GPC5: variants seen among roughly 807,000 people sequenced by gnomAD.
GPC5 encodes the protein glypican 5, also known as glypican-5.
A neutral mutation model predicts 53.9 loss-of-function variants in GPC5; 47 were observed. The ratio of observed to expected loss-of-function variants is 0.87; its 90% CI spans 0.69 to 1.11. The LOEUF (loss-of-function observed/expected upper bound fraction) is 1.11. GPC5 is among the 50% of genes most tolerant of loss of function. The pLI is 0.00. For missense variants in GPC5, 748 were observed against 713.1 expected (o/e 1.05, Z -0.56); for synonymous variants, 286 against 263.3 (o/e 1.09, Z -0.84).
chr13:91,963,522 G>C (rs985478466), intron 6 of GPC5, among the ~76,000 whole-genome samples: 5 of 152,094 alleles, frequency 3.3e-5, no homozygotes, highest in African/African-American at 1.2e-4. Context: ...AACAACCTTG[G>C]TATCTATTGT....
At chr13:92,107,119 G>A (rs1397808093) in intron 6 of GPC5, among the ~76,000 whole-genome samples, 1 of 151,490 alleles carries the variant, frequency 6.6e-6, no homozygotes, top group Non-Finnish European at 1.5e-5. Context: ...TTTTTAGTTG[G>A]GCCGTTTTTC....
intron 2 of GPC5, among the ~76,000 whole-genome samples, chr13:91,661,521 A>G (rs1333835626): frequency 6.6e-6 from 1 of 152,198 alleles, no homozygotes; most frequent in East Asian, 1.9e-4. Context: ...CATTGCCATA[A>G]TAAATAAGTC....
At chr13:92,679,807 C>T (rs546870322) in intron 7 of GPC5, among the ~76,000 whole-genome samples, 1 of 152,156 alleles carries the variant, frequency 6.6e-6, no homozygotes, top group African/African-American at 2.4e-5. Flanking sequence ...TGAAAGAGCT[C>T]TCTCTCATGC....
At chr13:92,182,441 A>G (rs1483342553) in intron 7 of GPC5, among the ~76,000 whole-genome samples, 7 of 152,250 alleles carry the variant, frequency 4.6e-5, no homozygotes, top group African/African-American at 1.7e-4. Context: ...GAATTGAATT[A>G]CAAAATTCAA....
At chr13:92,737,841 A>G (rs1309195707) in intron 7 of GPC5, among the ~76,000 whole-genome samples, 1 of 132,006 alleles carries the variant, frequency 7.6e-6, no homozygotes, top group Non-Finnish European at 1.5e-5. Flanking sequence ...ATCTTGGCTC[A>G]CCACAACCTC....
chr13:92,314,913 T>G (rs1177984268), intron 7 of GPC5, among the ~76,000 whole-genome samples: 1 of 152,106 alleles, frequency 6.6e-6, no homozygotes, highest in African/African-American at 2.4e-5. Context: ...TAGCTGAGAC[T>G]ACAGGCATGT....
At chr13:92,848,285 C>A (rs1019013730) in intron 7 of GPC5, among the ~76,000 whole-genome samples, 1 of 152,126 alleles carries the variant, frequency 6.6e-6, no homozygotes, top group South Asian at 2.1e-4. Context: ...GAAACTGAAT[C>A]TCAGTAAGAA....
chr13:91,768,036 G>C (rs904077641), intron 5 of GPC5, among the ~76,000 whole-genome samples: 2 of 152,134 alleles, frequency 1.3e-5, no homozygotes, highest in Non-Finnish European at 2.9e-5. Context: ...TTAAATGGAT[G>C]TAAGTTTGCT....
At chr13:92,742,509 A>C (rs1889131056) in intron 7 of GPC5, among the ~76,000 whole-genome samples, 1 of 148,016 alleles carries the variant, frequency 6.8e-6, no homozygotes, top group Non-Finnish European at 1.5e-5. Context: ...AGATTGCAAA[A>C]ATTTTCTCCC....
intron 2 of GPC5, among the ~76,000 whole-genome samples, chr13:91,644,999 G>A (rs537465755): frequency 1.1e-4 from 16 of 152,354 alleles, no homozygotes; most frequent in African/African-American, 2.4e-4. Flanking sequence ...ACCAGGTTTT[G>A]TGCTCATAAA....
At chr13:91,496,274 T>C (rs943605190) in intron 2 of GPC5, among the ~76,000 whole-genome samples, 2 of 152,210 alleles carry the variant, frequency 1.3e-5, no homozygotes, top group African/African-American at 2.4e-5. Flanking sequence ...TTCCCATGGC[T>C]AGGTATATTC....
At chr13:92,814,324 G>C (rs899061096) in intron 7 of GPC5, among the ~76,000 whole-genome samples, 4 of 151,662 alleles carry the variant, frequency 2.6e-5, no homozygotes, top group African/African-American at 7.3e-5. Flanking sequence ...TCTTAGATAT[G>C]GAAAACAATA....
chr13:91,732,512 A>G (rs1200753903), intron 4 of GPC5, among the ~76,000 whole-genome samples: 1 of 151,858 alleles, frequency 6.6e-6, no homozygotes, highest in Non-Finnish European at 1.5e-5. Flanking sequence ...GCTGTGCAGA[A>G]GCTTTTTAGT....
At chr13:91,969,900 C>T (rs541119129) in intron 6 of GPC5, among the ~76,000 whole-genome samples, 5 of 152,148 alleles carry the variant, frequency 3.3e-5, no homozygotes, top group African/African-American at 9.6e-5. Context: ...GAAAAGGGAC[C>T]TCTTATACGC....
chr13:92,326,844 C>G (rs9584019), intron 7 of GPC5, among the ~76,000 whole-genome samples: 2,258 of 152,076 alleles, frequency 0.015, 57 homozygotes, highest in African/African-American at 0.052. Context: ...CCAAGGACAC[C>G]AGGTCATACA....
chr13:92,380,946 G>T (rs28458939), intron 7 of GPC5, among the ~76,000 whole-genome samples: 2 of 151,746 alleles, frequency 1.3e-5, no homozygotes, highest in African/African-American at 4.8e-5. Context: ...GAATACAGGC[G>T]TACCTAAGGA....
intron 2 of GPC5, among the ~76,000 whole-genome samples, chr13:91,529,348 A>T (rs1886232741): frequency 1.3e-5 from 2 of 152,196 alleles, no homozygotes; most frequent in Non-Finnish European, 2.9e-5. Flanking sequence ...TCTCAATTTT[A>T]TTAAATTTAT....
At chr13:91,617,956 T>C (rs1296925757) in intron 2 of GPC5, among the ~76,000 whole-genome samples, 1 of 152,116 alleles carries the variant, frequency 6.6e-6, no homozygotes, top group Non-Finnish European at 1.5e-5. Flanking sequence ...ACATTTGAAT[T>C]TCATATGTCA....
In GPC5 at chr13:92,313,368, G is replaced by A. The variant is rs1032634616; in HGVS notation, c.1561+168379G>A. On this transcript the variant is annotated intron_variant, in intron 7 of 7. Coordinates refer to ENST00000377067, the MANE Select transcript of GPC5 (RefSeq NM_004466.6). ...ACTTTTAAAAATCTCCATCTATCCA[G>A]TATCATTTATACCTAAAAGCCACAT... Among the ~76,000 whole-genome samples the A allele has an allele frequency of 2.0e-4, 30 of 152,128 alleles. 1 individual carries two copies. The highest frequency in any genetic ancestry group is 2.0e-3 in the Admixed American group (30 of 15,264).
Sources: allele counts gnomAD v4.1 joint callset (sites outside exome capture counted in the v4.1 genomes callset), GRCh38; gene constraint gnomAD v4.1.1; transcripts MANE v1.5; gene names NCBI Gene and HGNC (gene_info 2026-07-23, HGNC 2026-07-21).